Variants in TBC1D23 observed in about 807,000 individuals in gnomAD.
TBC1D23 encodes TBC1 domain family member 23, also known as HCV non-structural protein 4A-transactivated protein 1.
In TBC1D23, 55 loss-of-function variants were observed where a neutral mutation model predicts 91.4. That is an observed-to-expected ratio of 0.60 (90% confidence interval 0.48 to 0.75). The LOEUF (loss-of-function observed/expected upper bound fraction) is 0.75, where lower values mean the gene tolerates loss of function less well. Ranked by LOEUF, TBC1D23 falls within the 30% of genes least tolerant of loss-of-function variation. TBC1D23 has a pLI of 0.00. For missense variants in TBC1D23, 725 were observed against 836.1 expected (o/e 0.87, Z 1.64); for synonymous variants, 289 against 281.0 (o/e 1.03, Z -0.28).
chr3:100,306,361 G>A, intron 12 of TBC1D23, 76 bp from the exon 13 acceptor site: 1 of 779,818 alleles, frequency 1.3e-6, no homozygotes, highest in Non-Finnish European at 2.2e-6. Context: ...CATGTTTATT[G>A]TATTTCGTTG....
chr3:100,281,020 C>T (rs1304625342), intron 2 of TBC1D23, among the ~76,000 whole-genome samples: 1 of 151,944 alleles, frequency 6.6e-6, no homozygotes, highest in Non-Finnish European at 1.5e-5. Context: ...ATTAGCTGGG[C>T]GTGGTGGTGG....
At position 100,320,892 on chromosome 3, in the gene TBC1D23, A is replaced by G; in HGVS notation, c.1939A>G (p.Lys647Glu). The G allele has an allele frequency of 6.3e-7, 1 of 1,590,130 alleles. No homozygotes were observed. Among genetic ancestry groups the G allele is most frequent in the Non-Finnish European group, 8.6e-7 (1 of 1,163,674 alleles). ...GAATTCTGTAGTTAAAATTACATCCAAAAAAAAACATCCTGAACTCATTAC... is the reference window on the plus strand; with the variant it reads ...GAATTCTGTAGTTAAAATTACATCCGAAAAAAAACATCCTGAACTCATTAC... Reference protein sequence around the residue: ...ALNSVVKITSKKKHPELITFK... With the variant: ...ALNSVVKITSEKKHPELITFK... Residue 647 changes from lysine to glutamate, a missense_variant, in exon 18 of 19, where the codon AAA becomes GAA. Lys to Glu is a moderately conservative substitution (Grantham distance 56, BLOSUM62 1). Coordinates refer to ENST00000394144, the MANE Select transcript of TBC1D23 (RefSeq NM_001199198.3).
In TBC1D23 at chr3:100,279,674, G is replaced by A; in HGVS notation, c.79G>A (p.Glu27Lys). The A allele has an allele frequency of 6.2e-7, 1 of 1,605,552 alleles. No homozygotes were observed. Residue 27 changes from glutamate (E) to lysine (K), a missense_variant, in exon 2 of 19, where the codon GAA (glutamate) becomes AAA (lysine). By Grantham distance (56) the Glu-to-Lys change is moderately conservative (BLOSUM62 1). Coordinates refer to ENST00000394144, the MANE Select transcript of TBC1D23 (RefSeq NM_001199198.3). Reference sequence around the variant, plus strand: ...GGAAAAAGATCTTGAAGAAGCTCTGGAAGCAGGAGGTTGTGATCTTGAAAC... The same window carrying A: ...GGAAAAAGATCTTGAAGAAGCTCTGAAAGCAGGAGGTTGTGATCTTGAAAC... ...GWEKDLEEAL[E>K]AGGCDLETLR...
intron 17 of TBC1D23, among the ~76,000 whole-genome samples, chr3:100,319,520 C>G (rs1332426676): frequency 1.3e-5 from 2 of 152,060 alleles, no homozygotes; most frequent in Non-Finnish European, 2.9e-5. Context: ...CCTCTGCCTC[C>G]CAGGTTCAAG....
chr3:100,276,534 T>C lies in TBC1D23; in HGVS notation c.54-3115T>C, dbSNP rs1358731037. 5.9e-5 allele frequency among the ~76,000 whole-genome samples: 9 copies of C among 152,212 alleles called. No homozygotes were observed. The East Asian group carries it at 1.7e-3, about 29-fold the overall frequency. ...CTTCTCCCATACATTGTGCAAATGC[T>C]TCCATATGTTATTCACCATTTGGCT... is the stretch of plus-strand genomic sequence containing the variant. On this transcript the variant is annotated intron_variant, in intron 1 of 18. Transcript: ENST00000394144.
At chr3:100,283,565 G>A (rs1259686250) in intron 3 of TBC1D23, 42 bp from the exon 4 acceptor site, 2 of 1,406,520 alleles carry the variant, frequency 1.4e-6, no homozygotes, top group Non-Finnish European at 2.0e-6. Context: ...AACAGCCCCT[G>A]ACAGGCCCTC....
chr3:100,282,670 CT>C (rs2067705102), intron 3 of TBC1D23, among the ~76,000 whole-genome samples: 1 of 152,172 alleles, frequency 6.6e-6, no homozygotes, highest in Non-Finnish European at 1.5e-5. Flanking sequence ...AAATTATTAG[CT>C]TGATAGGCCT....
chr3:100,304,577 C>T (rs899820511), intron 11 of TBC1D23, among the ~76,000 whole-genome samples: 31 of 152,074 alleles, frequency 2.0e-4, no homozygotes, highest in African/African-American at 7.2e-4. Context: ...TTGACCATTG[C>T]ACTATTGAAA....
In TBC1D23 at chr3:100,310,318, C is replaced by T. The variant is rs1705603880; in HGVS notation, c.1414-85C>T. 42 of 1,196,682 alleles carry T rather than the reference C, an allele frequency of 3.5e-5. No individual in the cohort carries two copies. The Middle Eastern group carries it at 6.5e-4, about 19-fold the overall frequency. The allele number at this position is 1,196,682 out of a possible 1,614,324, so 74.1% of individuals were successfully genotyped here. On this transcript the variant is annotated intron_variant, in intron 13 of 18. Coordinates refer to ENST00000394144, the MANE Select transcript of TBC1D23 (RefSeq NM_001199198.3). ...ATATGATTTTGGTGGGATTGCAATT[C>T]AGTCTATAACATGTAGATAACCATT... is the stretch of plus-strand genomic sequence containing the variant.
intron 1 of TBC1D23, 129 bp downstream of exon 1, chr3:100,261,200 C>G: frequency 1.2e-6 from 1 of 845,882 alleles, no homozygotes; most frequent in Non-Finnish European, 1.9e-6. Flanking sequence ...GTCCGGTGCC[C>G]TGCCCTACCC....
intron 14 of TBC1D23, among the ~76,000 whole-genome samples, chr3:100,311,071 C>G (rs1009301705): frequency 3.3e-5 from 5 of 152,226 alleles, no homozygotes; most frequent in Non-Finnish European, 5.9e-5. Flanking sequence ...TTAAAAATAT[C>G]TGTTATATAT....
chr3:100,280,670 A>G (rs772938044), intron 2 of TBC1D23, among the ~76,000 whole-genome samples: 2 of 152,236 alleles, frequency 1.3e-5, no homozygotes, highest in Non-Finnish European at 2.9e-5. Context: ...ATTTTATTAT[A>G]GAAGTTTAAG....
chr3:100,314,242 G>A (rs1161223389), intron 15 of TBC1D23, among the ~76,000 whole-genome samples: 1 of 151,724 alleles, frequency 6.6e-6, no homozygotes, highest in Non-Finnish European at 1.5e-5. Flanking sequence ...GGGACTACAG[G>A]TGCGTGCCAC....
chr3:100,279,656 G>T lies in TBC1D23; in HGVS notation c.61G>T (p.Asp21Tyr), dbSNP rs1173995823. 1.3e-6 allele frequency: 2 copies of T among 1,590,630 alleles called. No individual in the cohort carries two copies. The highest frequency in any genetic ancestry group is 2.7e-5 in the African/African-American group (2 of 74,024). The change falls in exon 2 of 19, where the codon GAT (aspartate) becomes TAT (tyrosine). Residue 21 changes from aspartate (D) to tyrosine (Y), a missense_variant. Transcript: ENST00000394144. The part of the protein sequence containing the change: ...PTSSGDGWEK[D>Y]LEEALEAGGC... ...ATAGGACTTATTTTTTAGGGAAAAA[G>T]ATCTTGAAGAAGCTCTGGAAGCAGG...
intron 1 of TBC1D23, among the ~76,000 whole-genome samples, chr3:100,271,938 T>G (rs564807175): frequency 6.6e-6 from 1 of 152,314 alleles, no homozygotes; most frequent in East Asian, 1.9e-4. Flanking sequence ...CTTTAAGTTT[T>G]GGGCCATGGA....
intron 1 of TBC1D23, among the ~76,000 whole-genome samples, chr3:100,268,833 G>A (rs2067578154): frequency 6.6e-6 from 1 of 152,214 alleles, no homozygotes; most frequent in South Asian, 2.1e-4. Flanking sequence ...AAGAAGAAAG[G>A]ATTTAGAGTG....
At chr3:100,289,586 G>A (rs563703504) in intron 4 of TBC1D23, among the ~76,000 whole-genome samples, 1 of 152,252 alleles carries the variant, frequency 6.6e-6, no homozygotes, top group South Asian at 2.1e-4. Context: ...ATGCTTGGGT[G>A]CCTGGGTAGA....
At chr3:100,306,614 C>A in intron 13 of TBC1D23, 71 bp downstream of exon 13, 1 of 819,248 alleles carries the variant, frequency 1.2e-6, no homozygotes, top group Non-Finnish European at 2.1e-6. Flanking sequence ...CTACTAAACC[C>A]CCACCATAAC....
At chr3:100,279,547 G>C in intron 1 of TBC1D23, 102 bp from the exon 2 acceptor site, 4 of 744,952 alleles carry the variant, frequency 5.4e-6, no homozygotes, top group Non-Finnish European at 8.6e-6. Flanking sequence ...GAGAACTTTT[G>C]TTTCTTAGAC....
Sources: allele counts gnomAD v4.1 joint callset (sites outside exome capture counted in the v4.1 genomes callset), GRCh38; gene constraint gnomAD v4.1.1; transcripts MANE v1.5; gene names NCBI Gene and HGNC (gene_info 2026-07-23, HGNC 2026-07-21).